Variants in MAP4K3 observed in about 807,000 individuals in gnomAD.
The protein encoded by MAP4K3 is MAPK/ERK kinase kinase kinase 3.
A neutral mutation model predicts 143.5 loss-of-function variants in MAP4K3; 94 were observed. The observed-to-expected ratio is 0.65, with a 90% CI of 0.55 to 0.78. The LOEUF (loss-of-function observed/expected upper bound fraction) is 0.78. MAP4K3 is among the 30% of genes least tolerant of loss of function. The pLI, the probability that MAP4K3 is intolerant of heterozygous loss-of-function variation, is 0.00. For missense variants in MAP4K3, 1,077 were observed against 1,068.1 expected (o/e 1.01, Z -0.12); for synonymous variants, 416 against 347.2 (o/e 1.20, Z -2.20).
chr2:39,301,745 C>T lies in MAP4K3; in HGVS notation c.1120-1944G>A, dbSNP rs1041255301. On this transcript the variant is annotated intron_variant, in intron 15 of 33. Transcript: ENST00000263881. Reference sequence around the variant, plus strand: ...ATGATTAAAAATAAAGGAAATAGGCCGGGCGCAGTGGCTCACACCTGTAAT... The same window carrying T: ...ATGATTAAAAATAAAGGAAATAGGCTGGGCGCAGTGGCTCACACCTGTAAT... Among the ~76,000 whole-genome samples, 8 of 152,044 alleles carry T rather than the reference C, an allele frequency of 5.3e-5. No homozygotes were observed. The South Asian group carries it at 8.3e-4, about 16-fold the overall frequency.
chr2:39,354,655 C>CT lies in MAP4K3; in HGVS notation c.245+1593dup, dbSNP rs201591055. Among the ~76,000 whole-genome samples, 972 of 151,362 alleles carry CT rather than the reference C, an allele frequency of 6.4e-3. 10 individuals carry two copies. Among genetic ancestry groups the CT allele is most frequent in the African/African-American group, 0.023 (932 of 41,058 alleles). On this transcript the variant is annotated intron_variant, in intron 3 of 33. Transcript: ENST00000263881. ...CCAGCCTGGGCAACAGAGTGAGACT[C>CT]TGTCTCAAACAAACAAACAAAAAAA...
At chr2:39,405,103 C>T (rs1012889000) in intron 1 of MAP4K3, among the ~76,000 whole-genome samples, 2 of 152,226 alleles carry the variant, frequency 1.3e-5, no homozygotes, top group Non-Finnish European at 2.9e-5. Flanking sequence ...GGGGTCACAG[C>T]GGGCCTTGGG....
intron 1 of MAP4K3, among the ~76,000 whole-genome samples, chr2:39,394,443 T>C (rs1173346057): frequency 6.6e-6 from 1 of 152,194 alleles, no homozygotes; most frequent in Non-Finnish European, 1.5e-5. Context: ...ATTGTGGTTC[T>C]CCAGAACAAA....
intron 1 of MAP4K3, among the ~76,000 whole-genome samples, chr2:39,408,309 G>T (rs1295106453): frequency 6.6e-6 from 1 of 152,096 alleles, no homozygotes; most frequent in Non-Finnish European, 1.5e-5. Flanking sequence ...CACTGAAGAT[G>T]TCAAAATAGT....
At chr2:39,341,775 T>C (rs1036118133) in intron 4 of MAP4K3, among the ~76,000 whole-genome samples, 10 of 152,006 alleles carry the variant, frequency 6.6e-5, no homozygotes, top group African/African-American at 1.2e-4. Flanking sequence ...ATTTCTAACA[T>C]AGAAATTACA....
intron 19 of MAP4K3, among the ~76,000 whole-genome samples, chr2:39,290,017 G>C (rs916178618): frequency 2.0e-5 from 3 of 150,198 alleles, no homozygotes; most frequent in Admixed American, 6.6e-5. Flanking sequence ...AACCCGAGAG[G>C]AGGAGGCTGC....
intron 16 of MAP4K3, among the ~76,000 whole-genome samples, chr2:39,299,230 G>A (rs1266041153): frequency 1.3e-5 from 2 of 152,092 alleles, no homozygotes; most frequent in African/African-American, 2.4e-5. Context: ...AGTGCCTGGT[G>A]TAGAAGAGGC....
chr2:39,380,590 A>G (rs890330487), intron 1 of MAP4K3, among the ~76,000 whole-genome samples: 2 of 152,180 alleles, frequency 1.3e-5, no homozygotes, highest in Non-Finnish European at 2.9e-5. Flanking sequence ...ATACTTGTGA[A>G]GGGCAGAAAA....
At chr2:39,421,351 G>C (rs1035215985) in intron 1 of MAP4K3, among the ~76,000 whole-genome samples, 1 of 147,862 alleles carries the variant, frequency 6.8e-6, no homozygotes, top group Non-Finnish European at 1.5e-5. Context: ...CTACTTACTA[G>C]ATTTATTGAC....
intron 3 of MAP4K3, among the ~76,000 whole-genome samples, chr2:39,344,952 T>G (rs535265666): frequency 6.6e-6 from 1 of 152,340 alleles, no homozygotes; most frequent in Middle Eastern, 3.4e-3. Flanking sequence ...ATCCTATGTT[T>G]ACTAGCTTCT....
intron 6 of MAP4K3, 60 bp downstream of exon 6, chr2:39,336,860 A>G: frequency 1.4e-6 from 1 of 728,098 alleles, no homozygotes; most frequent in Non-Finnish European, 2.2e-6. Context: ...GCTCAAAACA[A>G]TTTGATCAGA....
chr2:39,329,586 G>C (rs967895726), intron 8 of MAP4K3, among the ~76,000 whole-genome samples: 2 of 152,138 alleles, frequency 1.3e-5, no homozygotes, highest in Non-Finnish European at 2.9e-5. Flanking sequence ...ATTAGAAAGT[G>C]TCAACAGTCA....
chr2:39,320,528 G>A (rs1452395126), intron 12 of MAP4K3, among the ~76,000 whole-genome samples: 2 of 149,654 alleles, frequency 1.3e-5, no homozygotes. Flanking sequence ...GGCCCTTTAT[G>A]TTTTTTTCTT....
intron 1 of MAP4K3, among the ~76,000 whole-genome samples, chr2:39,382,955 C>T (rs1039947660): frequency 6.6e-6 from 1 of 152,128 alleles, no homozygotes; most frequent in Non-Finnish European, 1.5e-5. Flanking sequence ...GGGAAAAGGG[C>T]ACAGAACGAA....
At chr2:39,396,478 ATT>A (rs1056811510) in intron 1 of MAP4K3, among the ~76,000 whole-genome samples, 34 of 138,096 alleles carry the variant, frequency 2.5e-4, no homozygotes, top group Non-Finnish European at 2.7e-4. Flanking sequence ...CAAGCCCCCA[ATT>A]TTTTTTTTTT....
chr2:39,387,200 C>T (rs1666528310), intron 1 of MAP4K3, among the ~76,000 whole-genome samples: 1 of 152,080 alleles, frequency 6.6e-6, no homozygotes, highest in African/African-American at 2.4e-5. Context: ...TTCAAAGTTG[C>T]TTTGGCAACA....
At chr2:39,424,934 A>C (rs1665020015) in intron 1 of MAP4K3, among the ~76,000 whole-genome samples, 1 of 152,078 alleles carries the variant, frequency 6.6e-6, no homozygotes, top group African/African-American at 2.4e-5. Flanking sequence ...ATTCAAATCC[A>C]AGAGTCATTG....
intron 22 of MAP4K3, among the ~76,000 whole-genome samples, chr2:39,281,518 T>G (rs1234631345): frequency 2.0e-5 from 3 of 152,102 alleles, no homozygotes; most frequent in Non-Finnish European, 4.4e-5. Context: ...CTACGGAAAT[T>G]TCTGTGTTAG....
intron 3 of MAP4K3, among the ~76,000 whole-genome samples, chr2:39,354,300 C>A (rs185978758): frequency 2.0e-5 from 3 of 151,984 alleles, no homozygotes; most frequent in African/African-American, 7.3e-5. Context: ...AAAAATTAGC[C>A]GGGTGTGGTG....
Sources: gnomAD v4.1 joint callset for allele counts (sites outside exome capture counted in the v4.1 genomes callset) on GRCh38, gnomAD v4.1.1 for gene constraint, MANE v1.5 for transcripts, NCBI Gene and HGNC (gene_info 2026-07-23, HGNC 2026-07-21) for gene names.